Variants in GNB5 observed in about 807,000 individuals in gnomAD.
GNB5 encodes guanine nucleotide-binding protein subunit beta-5.
A neutral mutation model predicts 55.3 loss-of-function variants in GNB5; 37 were observed. That is an observed-to-expected ratio of 0.67 (90% CI 0.51 to 0.88). The LOEUF (loss-of-function observed/expected upper bound fraction) is 0.88. Among genes scored for constraint, GNB5 ranks in the 40% least tolerant of loss-of-function variants. The pLI, the probability that GNB5 is intolerant of heterozygous loss-of-function variation, is 0.00. For synonymous variants in GNB5, 219 were observed against 198.5 expected (o/e 1.10, Z -0.87); for missense variants, 476 against 515.3 (o/e 0.92, Z 0.74).
intron 1 of GNB5, among the ~76,000 whole-genome samples, chr15:52,190,376 C>T (rs1342987080): frequency 6.6e-6 from 1 of 152,110 alleles, no homozygotes; most frequent in Non-Finnish European, 1.5e-5. Flanking sequence ...CTCAGCCTCC[C>T]AAAGTGCTGG....
intron 3 of GNB5, among the ~76,000 whole-genome samples, chr15:52,158,725 G>C (rs1221624800): frequency 4.6e-5 from 7 of 151,368 alleles, no homozygotes; most frequent in African/African-American, 1.7e-4. Flanking sequence ...ACTTGGATTT[G>C]GTCTTTACCA....
intron 3 of GNB5, among the ~76,000 whole-genome samples, chr15:52,155,101 T>C (rs920366294): frequency 6.6e-6 from 1 of 152,218 alleles, no homozygotes; most frequent in African/African-American, 2.4e-5. Flanking sequence ...CTCTTGTTGG[T>C]AGCTATGTGA....
intron 1 of GNB5, among the ~76,000 whole-genome samples, chr15:52,189,065 G>A (rs946345695): frequency 7.2e-5 from 11 of 152,154 alleles, no homozygotes; most frequent in African/African-American, 2.7e-4. Context: ...ACCAACTTCC[G>A]TGTTTGGATA....
intron 6 of GNB5, among the ~76,000 whole-genome samples, chr15:52,145,732 T>C (rs2033960124): frequency 6.6e-6 from 1 of 152,120 alleles, no homozygotes; most frequent in Non-Finnish European, 1.5e-5. Flanking sequence ...AGTGAGACTA[T>C]GTCCCCAAAG....
chr15:52,134,859 G>A (rs1227844020), intron 8 of GNB5, among the ~76,000 whole-genome samples: 1 of 152,024 alleles, frequency 6.6e-6, no homozygotes, highest in Non-Finnish European at 1.5e-5. Flanking sequence ...TCTCAGGCTG[G>A]CCCCAGAAAG....
intron 5 of GNB5, chr15:52,149,537 G>T: frequency 1.8e-6 from 1 of 567,074 alleles, no homozygotes; most frequent in Non-Finnish European, 3.1e-6. Context: ...AGAGGGGAGA[G>T]AGAATGGAGA....
chr15:52,149,609 A>C, intron 5 of GNB5: 1 of 591,056 alleles, frequency 1.7e-6, no homozygotes, highest in South Asian at 2.1e-5. Context: ...TGTGGTTGCA[A>C]GTTTTCCATG....
Position 52,181,844 on chromosome 15 carries a change from T to TA in GNB5, c.127-1966dup, listed in dbSNP as rs371624778. Among the ~76,000 whole-genome samples the TA allele has an allele frequency of 7.7e-3, 1,164 of 151,982 alleles. 8 individuals carry two copies. Among genetic ancestry groups the TA allele is most frequent in the Non-Finnish European group, 0.011 (770 of 67,940 alleles). On this transcript the variant is annotated intron_variant, in intron 2 of 12. Coordinates refer to ENST00000261837, the MANE Select transcript of GNB5 (RefSeq NM_016194.4). ...AATGCTAGTTTATTAAATGGATGTA[T>TA]AAAAAATATATAAAATATATAAATC...
intron 5 of GNB5, among the ~76,000 whole-genome samples, chr15:52,148,840 C>T (rs1241604893): frequency 6.6e-6 from 1 of 152,206 alleles, no homozygotes; most frequent in Non-Finnish European, 1.5e-5. Context: ...ACTCTCAGCA[C>T]AGGGTATCCC....
chr15:52,180,454 T>G (rs55860410), intron 2 of GNB5: 5,590 of 152,324 alleles, frequency 0.037, 162 homozygotes, highest in Non-Finnish European at 0.05. Flanking sequence ...CGTTTGTTGA[T>G]CTAAATATAC....
intron 9 of GNB5, among the ~76,000 whole-genome samples, chr15:52,132,065 G>A (rs1287904550): frequency 6.6e-6 from 1 of 152,200 alleles, no homozygotes; most frequent in East Asian, 1.9e-4. Context: ...CTCGATAAAA[G>A]ATGTGGGTTC....
At position 52,149,896 on chromosome 15, in the gene GNB5, G is replaced by A; in HGVS notation, c.405C>T (p.Phe135=). The A allele has an allele frequency of 1.2e-6, 2 of 1,611,944 alleles. No individual in the cohort carries two copies. Among genetic ancestry groups the A allele is most frequent in the Non-Finnish European group, 8.5e-7 (1 of 1,178,010 alleles). The change falls in exon 5 of 13, where the codon TTC becomes TTT. Residue 135 remains phenylalanine (F), a synonymous_variant. Transcript: ENST00000261837. ...QDGKVIVWDS[F]TTNKEHAVTM... is the part of the protein sequence containing the mutation. ...AACAATGCCTCACCTTGTTTGTGGT[G>A]AAGGAATCCCACACGATCACCTTCC...
chr15:52,133,460 T>C lies in GNB5; in HGVS notation c.781A>G (p.Lys261Glu). The change falls in exon 9 of 13, where the codon AAG becomes GAG. Residue 261 changes from lysine to glutamate, a missense_variant. Coordinates refer to ENST00000261837, the MANE Select transcript of GNB5 (RefSeq NM_016194.4). ...GNTFVSGGCD[K>E]KAMVWDMRSG... ...CGCATGTCCCACACCATGGCTTTCT[T>C]GTCACATCCCTACAAATGAAAATTA... is the stretch of plus-strand genomic sequence containing the variant. The C allele has an allele frequency of 2.5e-6, 4 of 1,610,472 alleles. No homozygotes were observed. The highest frequency in any genetic ancestry group is 3.4e-6 in the Non-Finnish European group (4 of 1,176,570).
rs534271894 is a variant in GNB5 at position 52,179,614 on chromosome 15, C to G, written c.238+154G>C. 8.0e-3 allele frequency among the ~76,000 whole-genome samples: 1,218 copies of G among 151,564 alleles called. 6 individuals are homozygous for G. Among genetic ancestry groups the G allele is most frequent in the Non-Finnish European group, 0.012 (811 of 67,788 alleles). ...GATCGGGACCGCTACCCGCGCCTCA[C>G]CTGCGCGCCCGGGCCCCAGGGCCCT... On this transcript the variant is annotated intron_variant, in intron 3 of 12. Transcript: ENST00000261837.
At chr15:52,147,197 TC>T in intron 6 of GNB5, 1 of 281,398 alleles carries the variant, frequency 3.6e-6, no homozygotes, top group South Asian at 5.2e-5. Context: ...AGAGATGGGG[TC>T]TTGCTATGTT....
At chr15:52,172,834 A>G (rs906164361) in intron 3 of GNB5, among the ~76,000 whole-genome samples, 5 of 152,198 alleles carry the variant, frequency 3.3e-5, no homozygotes, top group African/African-American at 1.2e-4. Context: ...CTCTCTAGCG[A>G]TAACAAGTTC....
chr15:52,169,538 C>CAAAAAAAAAAAAAAAAAAA (rs60470864), intron 3 of GNB5, among the ~76,000 whole-genome samples: 1 of 71,482 alleles, frequency 1.4e-5, no homozygotes, highest in Admixed American at 2.1e-4. Flanking sequence ...GACTCTGTCT[C>CAAAAAAAAAAAAAAAAAAA]AAAAAAAAAA....
intron 9 of GNB5, among the ~76,000 whole-genome samples, chr15:52,132,492 T>G (rs565414948): frequency 2.0e-5 from 3 of 151,286 alleles, no homozygotes; most frequent in African/African-American, 7.3e-5. Flanking sequence ...GTTTGGGTTT[T>G]TTTTTTTTTT....
intron 3 of GNB5, among the ~76,000 whole-genome samples, chr15:52,163,260 C>T (rs530617178): frequency 2.6e-5 from 4 of 152,316 alleles, no homozygotes; most frequent in South Asian, 4.1e-4. Context: ...TCAGTGGCAG[C>T]GTGGCCACAC....
Sources: gnomAD v4.1 joint callset for allele counts (sites outside exome capture counted in the v4.1 genomes callset) on GRCh38, gnomAD v4.1.1 for gene constraint, MANE v1.5 for transcripts, NCBI Gene and HGNC (gene_info 2026-07-23, HGNC 2026-07-21) for gene names.